The following BCKDHA variants were observed in gnomAD, a reference collection of about 807,000 sequenced individuals.
BCKDHA encodes 2-oxoisovalerate dehydrogenase subunit alpha, mitochondrial.
In BCKDHA, 43 loss-of-function variants were observed where a neutral mutation model predicts 52.2. That is an observed-to-expected ratio of 0.82 (90% CI 0.64 to 1.06). BCKDHA has a LOEUF of 1.06. Among genes scored for constraint, BCKDHA ranks in the 50% least tolerant of loss-of-function variants. The probability of loss-of-function intolerance (pLI) is 0.00; values close to 1 mark genes in which losing one functional copy is unlikely to be tolerated. For missense variants in BCKDHA, 527 were observed against 621.3 expected (o/e 0.85, Z 1.61); for synonymous variants, 234 against 247.9 (o/e 0.94, Z 0.53).
chr19:41,401,815 A>G (rs1030299418), intron 1 of BCKDHA, among the ~76,000 whole-genome samples: 11 of 152,120 alleles, frequency 7.2e-5, no homozygotes. Flanking sequence ...GCTCTGTGCT[A>G]ATTATCGGTG....
chr19:41,412,166 G>A (rs747447254), intron 3 of BCKDHA, among the ~76,000 whole-genome samples: 24 of 151,442 alleles, frequency 1.6e-4, no homozygotes, highest in African/African-American at 3.4e-4. Flanking sequence ...TTGGCTTCTC[G>A]CCCTGGATGT....
intron 4 of BCKDHA, among the ~76,000 whole-genome samples, chr19:41,414,948 CT>C (rs2039292838): frequency 1.3e-5 from 2 of 152,196 alleles, no homozygotes; most frequent in African/African-American, 4.8e-5. Context: ...GATGGTAGCC[CT>C]TCCCAAGACA....
intron 1 of BCKDHA, among the ~76,000 whole-genome samples, chr19:41,409,368 A>C (rs1397072171): frequency 1.3e-5 from 2 of 152,076 alleles, no homozygotes; most frequent in African/African-American, 2.4e-5. Flanking sequence ...AACCACCATC[A>C]TTGTTACTTG....
At chr19:41,416,575 G>T (rs1286583207) in intron 4 of BCKDHA, among the ~76,000 whole-genome samples, 6 of 152,214 alleles carry the variant, frequency 3.9e-5, no homozygotes, top group Non-Finnish European at 8.8e-5. Flanking sequence ...TATATGTGGA[G>T]TATCAGTGGT....
At chr19:41,403,979 CTGT>C (rs564008768) in intron 1 of BCKDHA, among the ~76,000 whole-genome samples, 164 of 152,200 alleles carry the variant, frequency 1.1e-3, no homozygotes, top group South Asian at 1.9e-3. Flanking sequence ...TTATTTGCTG[CTGT>C]TGTTATTGTT....
rs1257535011 is a variant in BCKDHA at position 41,424,644 on chromosome 19, C to T, written c.*36C>T. ...GCCCACCCCCACCCATCCTCAGCTA[C>T]CCCGAGAGGTAGCCCCACTCTAAGG... On this transcript the variant is annotated 3_prime_UTR_variant, in exon 9 of 9. Coordinates refer to ENST00000269980, the MANE Select transcript of BCKDHA (RefSeq NM_000709.4). The T allele has an allele frequency of 6.4e-7, 1 of 1,553,004 alleles. No homozygotes were observed. The highest frequency in any genetic ancestry group is 1.4e-5 in the African/African-American group (1 of 73,478).
rs1168607474 is a variant in BCKDHA at position 41,405,464 on chromosome 19, G to T, written c.109-5173G>T. 2.0e-5 allele frequency among the ~76,000 whole-genome samples: 3 copies of T among 151,888 alleles called. 1 individual carries two copies. Among genetic ancestry groups the T allele is most frequent in the Non-Finnish European group, 4.4e-5 (3 of 67,966 alleles). ...ACCATGCCCAGCTAATTTTTTGTAG[G>T]GATGGGGTCTTGCCATGTTATCCAG... is the stretch of plus-strand genomic sequence containing the variant. On this transcript the variant is annotated intron_variant, in intron 1 of 8. Coordinates refer to ENST00000269980, the MANE Select transcript of BCKDHA (RefSeq NM_000709.4).
chr19:41,412,637 C>T (rs2039268996), intron 3 of BCKDHA, among the ~76,000 whole-genome samples: 1 of 151,692 alleles, frequency 6.6e-6, no homozygotes, highest in Admixed American at 6.6e-5. Flanking sequence ...CTTGGCCTCC[C>T]AAAATGGTAG....
intron 3 of BCKDHA, among the ~76,000 whole-genome samples, chr19:41,412,583 G>A (rs568830292): frequency 6.6e-6 from 1 of 151,254 alleles, no homozygotes; most frequent in Admixed American, 6.6e-5. Flanking sequence ...TCTCCATGTT[G>A]GTCAGTCTGG....
At chr19:41,419,647 G>T (rs780630183) in intron 5 of BCKDHA, among the ~76,000 whole-genome samples, 1 of 151,842 alleles carries the variant, frequency 6.6e-6, no homozygotes, top group Non-Finnish European at 1.5e-5. Flanking sequence ...TCACCGTGTT[G>T]GCCAGGCTGG....
At chr19:41,400,864 T>G (rs1185806406) in intron 1 of BCKDHA, among the ~76,000 whole-genome samples, 1 of 151,450 alleles carries the variant, frequency 6.6e-6, no homozygotes, top group African/African-American at 2.4e-5. Context: ...ACAAAAAAAT[T>G]AGCTGGGCGT....
At chr19:41,418,596 A>G (rs1018379301) in intron 4 of BCKDHA, 8 of 352,654 alleles carry the variant, frequency 2.3e-5, no homozygotes, top group South Asian at 1.7e-4. Context: ...CAGTGGCACG[A>G]TCTCAGCTGC....
intron 3 of BCKDHA, among the ~76,000 whole-genome samples, chr19:41,412,401 T>TTTTTTTTTTTTTTTTTTTTTTTTTTG (rs2039265678): frequency 2.1e-5 from 3 of 144,454 alleles, no homozygotes; most frequent in Non-Finnish European, 1.5e-5. Flanking sequence ...TTTTTTTTAC[T>TTTTTTTTTTTTTTTTTTTTTTTTTTG]TTTGAGATGG....
Position 41,422,229 on chromosome 19 carries a change from G to T in BCKDHA, c.712G>T (p.Glu238Ter), listed in dbSNP as rs1303770209. Residue 238 changes from glutamate to a stop codon, truncating the protein, a stop_gained, in exon 6 of 9, where the codon GAG becomes TAG. Coordinates refer to ENST00000269980, the MANE Select transcript of BCKDHA (RefSeq NM_000709.4). LOFTEE classifies it high-confidence loss of function. The part of the protein sequence containing the change: ...ANRVVICYFG[E>*]GAASEGDAHA... ...CAGGGTCGTCATCTGTTACTTCGGC[G>T]AGGGGGCAGCCAGTGAGGGGGACGC... 2 of 1,614,164 alleles carry T rather than the reference G, an allele frequency of 1.2e-6. No individual in the cohort carries two copies. Among genetic ancestry groups the T allele is most frequent in the Non-Finnish European group, 1.7e-6 (2 of 1,179,990 alleles).
chr19:41,399,853 T>C (rs1175042037), intron 1 of BCKDHA: 1 of 151,996 alleles, frequency 6.6e-6, no homozygotes, highest in Non-Finnish European at 1.5e-5. Context: ...CAGCATGATC[T>C]TGACTTACTG....
chr19:41,413,140 G>A (rs2039274477), intron 3 of BCKDHA, among the ~76,000 whole-genome samples: 1 of 152,216 alleles, frequency 6.6e-6, no homozygotes, highest in African/African-American at 2.4e-5. Flanking sequence ...TTCACAGCAT[G>A]GCTGCTGCAT....
intron 1 of BCKDHA, chr19:41,399,575 T>C (rs2039114318): frequency 6.6e-6 from 1 of 151,792 alleles, no homozygotes; most frequent in African/African-American, 2.4e-5. Context: ...TTTTTATTTA[T>C]ATATATTTAA....
intron 4 of BCKDHA, among the ~76,000 whole-genome samples, chr19:41,417,364 A>G (rs557384679): frequency 2.0e-4 from 30 of 152,178 alleles, no homozygotes; most frequent in Middle Eastern, 3.4e-3. Flanking sequence ...TCCTTCTCAC[A>G]TGGGTGGACC....
chr19:41,410,390 A>G (rs1472287480), intron 1 of BCKDHA, among the ~76,000 whole-genome samples: 4 of 152,216 alleles, frequency 2.6e-5, no homozygotes, highest in Non-Finnish European at 1.5e-5. Context: ...CCTATGGGAT[A>G]GGTGTTAACT....
Sources: gnomAD v4.1 joint callset for allele counts (sites outside exome capture counted in the v4.1 genomes callset) on GRCh38, gnomAD v4.1.1 for gene constraint, MANE v1.5 for transcripts, NCBI Gene and HGNC (gene_info 2026-07-23, HGNC 2026-07-21) for gene names.